MGST1: variants seen among roughly 807,000 people sequenced by gnomAD.
MGST1 encodes the protein microsomal glutathione S-transferase 1, also known as glutathione S-transferase 12.
MGST1 carries 5 observed loss-of-function variants against 8.9 expected under a neutral mutation model. The observed-to-expected ratio is 0.56, with a 90% CI of 0.29 to 1.19. The LOEUF is 1.19. MGST1 is among the 50% of genes most tolerant of loss of function. MGST1 has a pLI of 0.08. For missense variants in MGST1, 182 were observed against 187.4 expected, an observed-to-expected ratio of 0.97 and a Z score of 0.17; for synonymous variants, 54 against 67.8, an observed-to-expected ratio of 0.80 and a Z score of 1.00.
At chr12:16,439,070 A>G (rs2417573), downstream of MGST1, among the ~76,000 whole-genome samples, 91,870 of 151,004 alleles carry the variant, frequency 0.61, 28,388 homozygotes, top group East Asian at 0.81. Context: ...AGAATCTCCA[A>G]CTTCTTAGTG....
intron 1 of MGST1, among the ~76,000 whole-genome samples, chr12:16,425,615 G>A (rs867055875): frequency 7.9e-5 from 12 of 151,988 alleles, no homozygotes; most frequent in African/African-American, 2.4e-4. Context: ...AAACTATGGG[G>A]CACCACACCA....
chr12:16,420,863 T>C (rs1022038938), intron 1 of MGST1, among the ~76,000 whole-genome samples: 2 of 152,150 alleles, frequency 1.3e-5, no homozygotes, highest in Non-Finnish European at 2.9e-5. Context: ...CCACTCAGTT[T>C]CTTAAGTTCA....
chr12:16,447,309 G>A (rs762177631), intron 4 of MGST1, among the ~76,000 whole-genome samples: 1 of 151,898 alleles, frequency 6.6e-6, no homozygotes, highest in African/African-American at 2.4e-5. Flanking sequence ...TGGGGGTATA[G>A]TGTCTTTCCT....
chr12:16,435,055 A>C (rs926454883), intron 1 of MGST1, among the ~76,000 whole-genome samples: 3 of 151,912 alleles, frequency 2.0e-5, no homozygotes, highest in African/African-American at 4.8e-5. Flanking sequence ...TTAAACAAGA[A>C]GTTTGTTTTT....
chr12:16,423,537 T>A (rs1273839261), intron 1 of MGST1, among the ~76,000 whole-genome samples: 2 of 87,288 alleles, frequency 2.3e-5, no homozygotes, highest in African/African-American at 4.4e-5. Flanking sequence ...GATATTTTGT[T>A]GTCCCTAACC....
At chr12:16,409,608 A>G (rs1447813937) in intron 1 of MGST1, among the ~76,000 whole-genome samples, 1 of 152,134 alleles carries the variant, frequency 6.6e-6, no homozygotes, top group Non-Finnish European at 1.5e-5. Flanking sequence ...ACCTCCCTAG[A>G]ATACAGAAGT....
chr12:16,587,974 C>T lies in MGST1; in HGVS notation n.483-1554C>T, dbSNP rs946867355. Among the ~76,000 whole-genome samples the T allele has an allele frequency of 7.9e-5, 12 of 152,072 alleles. No homozygotes were observed. Among genetic ancestry groups the T allele is most frequent in the African/African-American group, 2.9e-4 (12 of 41,420 alleles). On this transcript the variant is annotated intron_variant and non_coding_transcript_variant, in intron 4 of 4. Coordinates refer to the MGST1 transcript ENST00000538857. This position sits in a 1 kb window ranked among gnomAD's most constrained non-coding sequence, Gnocchi z 4.3. ...GAATATTAATTCATGCTTAAAAAGT[C>T]CCTTTCTTTCAGATAATTACCCTGT...
chr12:16,523,643 T>C (rs182393862), intron 4 of MGST1, among the ~76,000 whole-genome samples: 19 of 152,202 alleles, frequency 1.2e-4, no homozygotes, highest in African/African-American at 4.3e-4. Flanking sequence ...CCAATATCTC[T>C]AAAAAATGAC....
At chr12:16,406,017 T>C (rs1335125128) in intron 1 of MGST1, among the ~76,000 whole-genome samples, 1 of 152,156 alleles carries the variant, frequency 6.6e-6, no homozygotes, top group Non-Finnish European at 1.5e-5. Context: ...AGATGCCCTC[T>C]CTCACCACTC....
At chr12:16,592,542 G>A (rs892756769), downstream of MGST1, among the ~76,000 whole-genome samples, 1 of 151,916 alleles carries the variant, frequency 6.6e-6, no homozygotes, top group African/African-American at 2.4e-5. Context: ...ATACTTGCAT[G>A]AAGTTACAAC....
intron 4 of MGST1, among the ~76,000 whole-genome samples, chr12:16,522,349 G>T (rs1318974728): frequency 6.6e-6 from 1 of 152,042 alleles, no homozygotes; most frequent in Non-Finnish European, 1.5e-5. Context: ...TTTCATATGT[G>T]AATTTTGCAT....
chr12:16,578,331 A>G (rs1017639306), intron 4 of MGST1, among the ~76,000 whole-genome samples: 1 of 152,136 alleles, frequency 6.6e-6, no homozygotes, highest in African/African-American at 2.4e-5. Context: ...GCTTACCTGA[A>G]CAATATAAAT....
intron 1 of MGST1, among the ~76,000 whole-genome samples, chr12:16,398,604 T>C (rs1260648722): frequency 6.6e-6 from 1 of 152,222 alleles, no homozygotes; most frequent in Admixed American, 6.5e-5. Context: ...CATTGTACCA[T>C]GTGTGCATTT....
At position 16,364,160 on chromosome 12, in the gene MGST1, A is replaced by G. The variant is rs2137002436; in HGVS notation, c.*119A>G. 7.2e-7 allele frequency: 1 copy of G among 1,397,622 alleles called. No homozygotes were observed. The highest frequency in any genetic ancestry group is 2.5e-5 in the East Asian group (1 of 40,466). 86.6% of individuals were successfully genotyped at this position (1,397,622 alleles called of 1,614,324 possible). On this transcript the variant is annotated 3_prime_UTR_variant, in exon 4 of 4. Coordinates refer to ENST00000396210, the MANE Select transcript of MGST1 (RefSeq NM_020300.5). The surrounding 1 kb of genome is among the most constrained non-coding windows in gnomAD (Gnocchi z 5.7). ...GAGCAGAGGAATTATGAACTGGGGT[A>G]AACCCATTTTGAATATTAGCATTGC...
chr12:16,550,085 C>T (rs1358963370), intron 4 of MGST1: 7 of 151,986 alleles, frequency 4.6e-5, no homozygotes, highest in Admixed American at 2.0e-4. Context: ...CTTTGTTTCT[C>T]TTCTTCTAGA....
At chr12:16,382,304 A>G (rs1940464168), upstream of MGST1, among the ~76,000 whole-genome samples, 1 of 152,128 alleles carries the variant, frequency 6.6e-6, no homozygotes, top group African/African-American at 2.4e-5. Context: ...GGTGACATAC[A>G]GATGGGTTTT....
intron 4 of MGST1, among the ~76,000 whole-genome samples, chr12:16,489,864 T>C (rs989828408): frequency 1.3e-4 from 20 of 152,210 alleles, no homozygotes; most frequent in African/African-American, 4.8e-4. Context: ...CCTGTCATCA[T>C]GCAATTCCAT....
chr12:16,412,723 G>T (rs1221749618), intron 1 of MGST1, among the ~76,000 whole-genome samples: 3 of 151,914 alleles, frequency 2.0e-5, no homozygotes, highest in African/African-American at 4.9e-5. Context: ...CACCATGTGA[G>T]ATGTGCCTTT....
At chr12:16,381,832 A>G (rs1354098221), downstream of MGST1, among the ~76,000 whole-genome samples, 1 of 151,918 alleles carries the variant, frequency 6.6e-6, no homozygotes, top group Non-Finnish European at 1.5e-5. Context: ...GGCTTTGTTC[A>G]TTTCTTTTTA....
Sources: gnomAD v4.1 joint callset for allele counts (sites outside exome capture counted in the v4.1 genomes callset) on GRCh38, gnomAD v4.1.1 for gene constraint, Gnocchi (gnomAD v3.1) non-coding constraint, MANE v1.5 for transcripts, NCBI Gene and HGNC (gene_info 2026-07-23, HGNC 2026-07-21) for gene names.